PPP2R2B: variants seen among roughly 807,000 people sequenced by gnomAD.
PPP2R2B encodes serine/threonine-protein phosphatase 2A 55 kDa regulatory subunit B beta isoform.
PPP2R2B carries 5 observed loss-of-function variants against 46.0 expected under a neutral mutation model. The observed-to-expected ratio is 0.11, with a 90% confidence interval of 0.06 to 0.23. The LOEUF (loss-of-function observed/expected upper bound fraction) is 0.23, where lower values mean the gene tolerates loss of function less well. Among genes scored for constraint, PPP2R2B ranks in the 10% least tolerant of loss-of-function variants. The pLI, the probability that PPP2R2B is intolerant of heterozygous loss-of-function variation, is 1.00. For missense variants in PPP2R2B, 367 were observed against 575.0 expected (o/e 0.64, Z 3.70); for synonymous variants, 215 against 206.7 (o/e 1.04, Z -0.34).
chr5:146,650,237 T>C (rs1281270550), intron 6 of PPP2R2B, among the ~76,000 whole-genome samples: 3 of 152,208 alleles, frequency 2.0e-5, no homozygotes, highest in Non-Finnish European at 4.4e-5. Flanking sequence ...ACCTGAACTC[T>C]AGGGTCTTAT....
At chr5:146,850,689 C>T (rs890669061) in intron 2 of PPP2R2B, among the ~76,000 whole-genome samples, 6 of 152,100 alleles carry the variant, frequency 3.9e-5, no homozygotes, top group African/African-American at 1.2e-4. Context: ...TCCAATAATC[C>T]TCTTATTACA....
chr5:146,828,075 C>T (rs1408536477), intron 2 of PPP2R2B, among the ~76,000 whole-genome samples: 2 of 151,832 alleles, frequency 1.3e-5, no homozygotes, highest in Admixed American at 6.6e-5. Context: ...TTCATGGTGG[C>T]GTCCTGGCTG....
chr5:146,825,724 C>T (rs894832900), intron 2 of PPP2R2B, among the ~76,000 whole-genome samples: 11 of 152,160 alleles, frequency 7.2e-5, no homozygotes, highest in Non-Finnish European at 1.5e-4. Context: ...AAGCCACTAA[C>T]TTTTTGGAAG....
intron 1 of PPP2R2B, among the ~76,000 whole-genome samples, chr5:147,038,117 T>C (rs1561592128): frequency 1.3e-5 from 2 of 152,238 alleles, no homozygotes; most frequent in South Asian, 4.1e-4. Flanking sequence ...GGTATAGTTT[T>C]TAGGGGTTTA....
chr5:146,791,065 G>A (rs940815201), intron 2 of PPP2R2B, among the ~76,000 whole-genome samples: 1 of 152,124 alleles, frequency 6.6e-6, no homozygotes, highest in African/African-American at 2.4e-5. Context: ...ACCTGCAAAG[G>A]AAGGACTCAA....
chr5:146,595,254 G>T (rs1561752623), intron 8 of PPP2R2B, among the ~76,000 whole-genome samples: 1 of 152,256 alleles, frequency 6.6e-6, no homozygotes, highest in East Asian at 1.9e-4. Context: ...CCTTACAGAG[G>T]CATCTCTGCT....
At chr5:146,720,728 G>A (rs185144567) in intron 2 of PPP2R2B, among the ~76,000 whole-genome samples, 2 of 152,194 alleles carry the variant, frequency 1.3e-5, no homozygotes, top group East Asian at 1.9e-4. Flanking sequence ...TTTTGGTGTT[G>A]GAGATTCAGT....
intron 1 of PPP2R2B, among the ~76,000 whole-genome samples, chr5:146,956,203 C>T (rs1258893655): frequency 6.7e-6 from 1 of 150,164 alleles, no homozygotes; most frequent in African/African-American, 2.4e-5. Context: ...TGCAAAAAAC[C>T]CCACAATTTT....
chr5:146,977,781 G>A (rs1325258430), intron 1 of PPP2R2B, among the ~76,000 whole-genome samples: 1 of 152,138 alleles, frequency 6.6e-6, no homozygotes, highest in African/African-American at 2.4e-5. Context: ...ACTGTTGATG[G>A]GCATTTGGAT....
At chr5:147,007,747 T>C (rs1157887127) in intron 1 of PPP2R2B, among the ~76,000 whole-genome samples, 1 of 152,030 alleles carries the variant, frequency 6.6e-6, no homozygotes, top group African/African-American at 2.4e-5. Context: ...GGATGTGCCA[T>C]CTTTAAGAGC....
chr5:146,719,483 T>C (rs1454274271), intron 2 of PPP2R2B, among the ~76,000 whole-genome samples: 1 of 152,250 alleles, frequency 6.6e-6, no homozygotes, highest in Non-Finnish European at 1.5e-5. Context: ...AAAATAAGAA[T>C]AATATTGGTA....
chr5:146,864,396 CAAAAAA>C (rs34780019), intron 2 of PPP2R2B, among the ~76,000 whole-genome samples: 2 of 31,310 alleles, frequency 6.4e-5, no homozygotes, highest in East Asian at 1.1e-3. Flanking sequence ...TAGTATTAAC[CAAAAAA>C]AAAAAAAAAA....
chr5:146,745,208 A>C (rs56893200), intron 2 of PPP2R2B, among the ~76,000 whole-genome samples: 1 of 26,832 alleles, frequency 3.7e-5, no homozygotes, highest in Non-Finnish European at 1.1e-4. Context: ...GAGAGAGAGA[A>C]AGAGACTATA....
intron 2 of PPP2R2B, among the ~76,000 whole-genome samples, chr5:146,826,848 A>G (rs1758610697): frequency 6.6e-6 from 1 of 152,034 alleles, no homozygotes; most frequent in South Asian, 2.1e-4. Context: ...TTCTGCCTAC[A>G]CCATACATCT....
At chr5:146,818,888 T>C (rs1582182151) in intron 2 of PPP2R2B, among the ~76,000 whole-genome samples, 1 of 152,324 alleles carries the variant, frequency 6.6e-6, no homozygotes, top group Non-Finnish European at 1.5e-5. Flanking sequence ...AAAGATAGTG[T>C]CTGAAGAATT....
intron 2 of PPP2R2B, among the ~76,000 whole-genome samples, chr5:147,064,686 T>A (rs77323335): frequency 1.2e-3 from 184 of 152,358 alleles, no homozygotes; most frequent in African/African-American, 4.2e-3. Context: ...ATCTAGCATA[T>A]GAAACAATAT....
intron 2 of PPP2R2B, among the ~76,000 whole-genome samples, chr5:146,783,553 T>C (rs1011558655): frequency 1.3e-5 from 2 of 152,236 alleles, no homozygotes; most frequent in East Asian, 1.9e-4. Context: ...ACAACTTTTA[T>C]AATCAGTTAA....
chr5:146,649,967 G>A (rs551240660), intron 6 of PPP2R2B, among the ~76,000 whole-genome samples: 2 of 152,080 alleles, frequency 1.3e-5, no homozygotes, highest in Admixed American at 6.5e-5. Context: ...TATGTATACT[G>A]TACATTTTAT....
At chr5:146,822,865 T>G (rs1758353491) in intron 2 of PPP2R2B, among the ~76,000 whole-genome samples, 1 of 152,252 alleles carries the variant, frequency 6.6e-6, no homozygotes, top group Non-Finnish European at 1.5e-5. Context: ...TCCGTGCCTT[T>G]GTCATCTAGA....
Sources: gnomAD v4.1 joint callset for allele counts (sites outside exome capture counted in the v4.1 genomes callset) on GRCh38, gnomAD v4.1.1 for gene constraint, MANE v1.5 for transcripts, NCBI Gene and HGNC (gene_info 2026-07-23, HGNC 2026-07-21) for gene names.